The following TTC7B variants were observed in gnomAD, a reference collection of about 807,000 sequenced individuals.
TTC7B encodes the protein tetratricopeptide repeat domain 7B.
A neutral mutation model predicts 106.8 loss-of-function variants in TTC7B; 28 were observed. The observed-to-expected ratio is 0.26, with a 90% CI of 0.19 to 0.36. TTC7B has a LOEUF of 0.36. Ranked by LOEUF, TTC7B falls within the 10% of genes least tolerant of loss-of-function variation. The pLI is 1.00. For synonymous variants in TTC7B, 405 were observed against 430.6 expected (o/e 0.94, Z 0.74); for missense variants, 862 against 1,076.4 (o/e 0.80, Z 2.79).
chr14:90,700,517 T>C (rs1362392605), intron 5 of TTC7B, among the ~76,000 whole-genome samples: 1 of 151,924 alleles, frequency 6.6e-6, no homozygotes, highest in Admixed American at 6.5e-5. Flanking sequence ...TTTAACAAGC[T>C]GGGCACCCCC....
chr14:90,655,861 A>AT (rs201196685), intron 11 of TTC7B, among the ~76,000 whole-genome samples: 23 of 152,290 alleles, frequency 1.5e-4, no homozygotes, highest in East Asian at 5.8e-4. Context: ...TGTTACTCTT[A>AT]TTTTTTTTAA....
At chr14:90,706,282 C>T (rs1286142213) in intron 5 of TTC7B, among the ~76,000 whole-genome samples, 3 of 151,916 alleles carry the variant, frequency 2.0e-5, no homozygotes, top group Non-Finnish European at 4.4e-5. Flanking sequence ...CCTGCCTCAG[C>T]CTCCTGAGTA....
At chr14:90,652,166 C>A (rs577521917) in intron 13 of TTC7B, among the ~76,000 whole-genome samples, 1 of 152,260 alleles carries the variant, frequency 6.6e-6, no homozygotes, top group African/African-American at 2.4e-5. Flanking sequence ...GCTGCGGGAC[C>A]GGCAGCTCCT....
chr14:90,685,602 G>C (rs1288446116), intron 7 of TTC7B, among the ~76,000 whole-genome samples: 1 of 152,140 alleles, frequency 6.6e-6, no homozygotes, highest in Non-Finnish European at 1.5e-5. Context: ...CTTTTAGTTA[G>C]ACTGACTCTA....
chr14:90,683,864 C>T (rs576837615), intron 7 of TTC7B, among the ~76,000 whole-genome samples: 12 of 152,310 alleles, frequency 7.9e-5, no homozygotes, highest in South Asian at 2.1e-4. Flanking sequence ...AGCTTTGGTT[C>T]GGCCATCAAG....
chr14:90,541,803 C>T (rs192163450), intron 19 of TTC7B, among the ~76,000 whole-genome samples: 2 of 152,334 alleles, frequency 1.3e-5, no homozygotes, highest in East Asian at 1.9e-4. Context: ...CAATATTCAG[C>T]CATGTTTTGA....
intron 5 of TTC7B, among the ~76,000 whole-genome samples, chr14:90,716,859 G>C (rs971750118): frequency 1.3e-5 from 2 of 152,108 alleles, no homozygotes; most frequent in Non-Finnish European, 2.9e-5. Flanking sequence ...CCATCAGTCA[G>C]CCAGAACAGA....
chr14:90,694,629 TA>T, intron 6 of TTC7B, among the ~76,000 whole-genome samples: 2 of 146,946 alleles, frequency 1.4e-5, no homozygotes, highest in Middle Eastern at 7.2e-3. Context: ...ATATGTCACA[TA>T]TATTTATAAC....
At chr14:90,639,601 C>T (rs898445622) in intron 15 of TTC7B, among the ~76,000 whole-genome samples, 1 of 152,172 alleles carries the variant, frequency 6.6e-6, no homozygotes, top group African/African-American at 2.4e-5. Context: ...TAAACTAATA[C>T]AACCCCTTTG....
intron 19 of TTC7B, among the ~76,000 whole-genome samples, chr14:90,567,039 G>C (rs987836203): frequency 6.6e-6 from 1 of 152,078 alleles, no homozygotes; most frequent in African/African-American, 2.4e-5. Flanking sequence ...AGGGGAAGGC[G>C]GGGGCGGGGA....
intron 19 of TTC7B, among the ~76,000 whole-genome samples, chr14:90,563,294 T>C (rs1345910580): frequency 6.6e-6 from 1 of 152,214 alleles, no homozygotes; most frequent in Non-Finnish European, 1.5e-5. Context: ...CAGGCCACTG[T>C]AATCAATCAA....
intron 3 of TTC7B, chr14:90,766,679 T>A: frequency 1.5e-6 from 2 of 1,353,918 alleles, no homozygotes; most frequent in Non-Finnish European, 2.1e-6. Context: ...AAAGCAGACA[T>A]TGACTGCACC....
chr14:90,815,950 G>C (rs1365823075), intron 1 of TTC7B, among the ~76,000 whole-genome samples: 9 of 151,608 alleles, frequency 5.9e-5, no homozygotes, highest in Non-Finnish European at 1.5e-5. Context: ...TTGAACCCCA[G>C]GCGCCGGGAC....
In TTC7B at chr14:90,559,132, G is replaced by A. The variant is rs536816761; in HGVS notation, c.2311-17543C>T. On this transcript the variant is annotated intron_variant, in intron 19 of 19. Coordinates refer to ENST00000328459, the MANE Select transcript of TTC7B (RefSeq NM_001010854.2). ...ACGGGCAGGGCACAGTGATGTGACC[G>A]CTTACCCAGGCCGGGCAAACGCGGA... Among the ~76,000 whole-genome samples the A allele has an allele frequency of 5.9e-5, 9 of 152,336 alleles. No individual in the cohort carries two copies. In the South Asian group the frequency reaches 6.2e-4, roughly 11 times the overall value.
chr14:90,572,440 G>C (rs139225075), intron 19 of TTC7B, among the ~76,000 whole-genome samples: 1 of 152,158 alleles, frequency 6.6e-6, no homozygotes, highest in Non-Finnish European at 1.5e-5. Context: ...TCAATCTGCC[G>C]CACCTTCGGG....
intron 15 of TTC7B, among the ~76,000 whole-genome samples, chr14:90,639,208 T>C (rs1390040082): frequency 6.6e-6 from 1 of 152,186 alleles, no homozygotes; most frequent in Non-Finnish European, 1.5e-5. Flanking sequence ...CTACTTTCTA[T>C]TACTTTAAAA....
In TTC7B at chr14:90,574,987, C is replaced by T. The variant is rs1169685471; in HGVS notation, c.2310+3119G>A. 6.6e-5 allele frequency among the ~76,000 whole-genome samples: 9 copies of T among 136,878 alleles called. No individual in the cohort carries two copies. In the South Asian group the frequency reaches 1.9e-3, roughly 29 times the overall value. 89.8% of individuals were successfully genotyped at this position (136,878 alleles called of 152,430 possible). A position where few individuals can be genotyped will look rare whatever the true frequency, so the allele number is the denominator to read the frequency against. On this transcript the variant is annotated intron_variant, in intron 19 of 19. Transcript: ENST00000328459. ...CTCCTTCTAGTCTTGACCTTCTGACCCTGGCCTCCCTGGCCTCCCCCTCGC... is the reference window on the plus strand; with the variant it reads ...CTCCTTCTAGTCTTGACCTTCTGACTCTGGCCTCCCTGGCCTCCCCCTCGC...
At chr14:90,547,583 C>A (rs1309814260) in intron 19 of TTC7B, among the ~76,000 whole-genome samples, 1 of 152,208 alleles carries the variant, frequency 6.6e-6, no homozygotes, top group African/African-American at 2.4e-5. Context: ...ATCGCTTGAG[C>A]CTGGGAGTTC....
At chr14:90,777,296 A>T (rs963500553) in intron 3 of TTC7B, among the ~76,000 whole-genome samples, 2 of 152,092 alleles carry the variant, frequency 1.3e-5, no homozygotes, top group African/African-American at 4.8e-5. Context: ...AGGGCATCAC[A>T]CCTGGCACGC....
Sources: gnomAD v4.1 joint callset for allele counts (sites outside exome capture counted in the v4.1 genomes callset) on GRCh38, gnomAD v4.1.1 for gene constraint, MANE v1.5 for transcripts, NCBI Gene and HGNC (gene_info 2026-07-23, HGNC 2026-07-21) for gene names.